HMCN2: variants seen among roughly 807,000 people sequenced by gnomAD.
HMCN2 encodes hemicentin-2.
Under a neutral mutation model 377.5 loss-of-function variants are expected in HMCN2, and 325 were observed. That is an observed-to-expected ratio of 0.86 (90% CI 0.79 to 0.94). HMCN2 has a LOEUF of 0.94. Among genes scored for constraint, HMCN2 ranks in the 40% least tolerant of loss-of-function variants. The probability of loss-of-function intolerance (pLI) is 0.00; values close to 1 mark genes in which losing one functional copy is unlikely to be tolerated. For missense variants in HMCN2, 4,543 were observed against 4,725.3 expected, an observed-to-expected ratio of 0.96 and a Z score of 1.13; for synonymous variants, 2,007 against 2,046.8, an observed-to-expected ratio of 0.98 and a Z score of 0.53.
chr9:130,425,473 C>T (rs1844277695), intron 89 of HMCN2, among the ~76,000 whole-genome samples: 2 of 148,078 alleles, frequency 1.4e-5, no homozygotes, highest in South Asian at 4.3e-4. Flanking sequence ...CATCTCCTCC[C>T]AAGGCTCACC....
At chr9:130,365,290 G>T (rs773116512) in intron 41 of HMCN2, among the ~76,000 whole-genome samples, 1 of 152,230 alleles carries the variant, frequency 6.6e-6, no homozygotes, top group Non-Finnish European at 1.5e-5. Context: ...CCTTCTCTTC[G>T]GGTCTGTTTT....
In HMCN2 at chr9:130,398,186, A is replaced by C. The variant is rs529123660; in HGVS notation, c.11327-365A>C. On this transcript the variant is annotated intron_variant, in intron 74 of 97. Transcript: ENST00000683500. Reference sequence around the variant, plus strand: ...AAAAAAAAAAAAAAAAAAGTAAAACATGTGAAAGGATAAAATTCAAAATCA... The same window carrying C: ...AAAAAAAAAAAAAAAAAAGTAAAACCTGTGAAAGGATAAAATTCAAAATCA... 3.4e-3 allele frequency among the ~76,000 whole-genome samples: 515 copies of C among 150,684 alleles called. 5 individuals are homozygous for C. The highest frequency in any genetic ancestry group is 0.012 in the African/African-American group (497 of 40,894).
intron 34 of HMCN2, 150 bp from the exon 35 acceptor site, chr9:130,357,684 A>G (rs888721156): frequency 2.2e-5 from 9 of 401,270 alleles, no homozygotes; most frequent in Non-Finnish European, 3.1e-5. Context: ...CCATGCGTCT[A>G]GGGGATATGG....
Position 130,362,864 on chromosome 9 carries a change from C to T in HMCN2, c.6109-3C>T. Reference sequence around the variant, plus strand: ...TAATTTGGGCTTCCCCCTGGGGTCACAGGTCTTCCCTGGGGGCCGGGTCCT... The same window carrying T: ...TAATTTGGGCTTCCCCCTGGGGTCATAGGTCTTCCCTGGGGGCCGGGTCCT... On this transcript the variant is annotated splice_region_variant and splice_polypyrimidine_tract_variant and intron_variant, in intron 39 of 97. Coordinates refer to ENST00000683500, the MANE Select transcript of HMCN2 (RefSeq NM_001291815.2). 1.0e-6 allele frequency: 1 copy of T among 985,928 alleles called. No homozygotes were observed. The highest frequency in any genetic ancestry group is 1.2e-6 in the Non-Finnish European group (1 of 829,970). The allele number at this position is 985,928 out of a possible 1,614,324, so 61.1% of individuals were successfully genotyped here. A position where few individuals can be genotyped will look rare whatever the true frequency, so the allele number is the denominator to read the frequency against.
chr9:130,283,609 C>T (rs1835259697), intron 1 of HMCN2, among the ~76,000 whole-genome samples: 1 of 152,158 alleles, frequency 6.6e-6, no homozygotes, highest in South Asian at 2.1e-4. Context: ...CCTCAGGCAA[C>T]CTCTGTTCTG....
At chr9:130,273,122 G>T (rs911672817) in intron 1 of HMCN2, among the ~76,000 whole-genome samples, 4 of 149,970 alleles carry the variant, frequency 2.7e-5, no homozygotes, top group Non-Finnish European at 5.9e-5. Flanking sequence ...AAAGATTCAG[G>T]TTTTTTTTCT....
intron 25 of HMCN2, among the ~76,000 whole-genome samples, chr9:130,342,719 C>G (rs1839124684): frequency 6.6e-6 from 1 of 152,084 alleles, no homozygotes; most frequent in Non-Finnish European, 1.5e-5. Flanking sequence ...CCCTGCCCTG[C>G]CCCCCTGTGC....
chr9:130,420,212 C>T (rs1462840143), intron 86 of HMCN2, among the ~76,000 whole-genome samples: 2 of 151,794 alleles, frequency 1.3e-5, no homozygotes, highest in African/African-American at 4.8e-5. Context: ...GTAGCTGGGA[C>T]TACAGGCACC....
rs906661306 is a variant in HMCN2, at chr9:130,396,207, G to A, written c.11092G>A (p.Val3698Ile). The A allele has an allele frequency of 1.6e-5, 21 of 1,284,812 alleles. No homozygotes were observed. The highest frequency in any genetic ancestry group is 3.1e-5 in the African/African-American group (2 of 65,546). 79.6% of individuals were successfully genotyped at this position (1,284,812 alleles called of 1,614,324 possible). ...TIRSGPPAVN[V>I]SVNQTALLPC... The stretch of plus-strand genomic sequence containing the variant: ...CCGGTCAGGACCACCTGCAGTGAAC[G>A]TCTCAGTGAACCAGACAGCCCTGCT... The change falls in exon 73 of 98, where the codon GTC (valine) becomes ATC (isoleucine). Residue 3698 changes from valine to isoleucine, a missense_variant. Physicochemically the swap from Val to Ile is conservative, Grantham distance 29. Around this residue, in one of 5 missense-constraint regions of HMCN2, gnomAD observed 1,073 missense variants for 1,319.5 expected, o/e 0.81. Coordinates refer to ENST00000683500, the MANE Select transcript of HMCN2 (RefSeq NM_001291815.2).
At chr9:130,370,830 C>A in intron 45 of HMCN2, 134 bp from the exon 46 acceptor site, 2 of 426,800 alleles carry the variant, frequency 4.7e-6, no homozygotes, top group African/African-American at 2.1e-5. Context: ...GGGAGCAGCT[C>A]TGCTCTCGTC....
Position 130,407,643 on chromosome 9 carries a change from A to G in HMCN2, c.12626A>G (p.Tyr4209Cys), listed in dbSNP as rs1440036160. The G allele has an allele frequency of 3.9e-6, 5 of 1,285,366 alleles. No individual in the cohort carries two copies. The highest frequency in any genetic ancestry group is 5.6e-5 in the East Asian group (1 of 17,800). 79.6% of individuals were successfully genotyped at this position (1,285,366 alleles called of 1,614,324 possible). Residue 4209 changes from tyrosine (Y) to cysteine (C), a missense_variant, in exon 83 of 98, where the codon TAT (tyrosine) becomes TGT (cysteine). Physicochemically the swap from Tyr to Cys is radical, Grantham distance 194 (BLOSUM62 -2). This residue lies in a region of HMCN2 where 1,073 missense variants were observed against 1,319.5 expected (regional missense o/e 0.81). Transcript: ENST00000683500. Reference protein sequence around the residue: ...AAVSREDSGTYVCWAENRVGR... With the variant: ...AAVSREDSGTCVCWAENRVGR... ...GTCTCCAGAGAAGACAGCGGGACCT[A>G]TGTCTGCTGGGCGGAGAACAGAGTG...
chr9:130,360,655 A>G lies in HMCN2; in HGVS notation c.5950+51A>G. 8.5e-7 allele frequency: 1 copy of G among 1,180,622 alleles called. No individual in the cohort carries two copies. The highest frequency in any genetic ancestry group is 1.1e-6 in the Non-Finnish European group (1 of 898,918). The allele number at this position is 1,180,622 out of a possible 1,614,324, so 73.1% of individuals were successfully genotyped here. On this transcript the variant is annotated intron_variant, in intron 38 of 97. Coordinates refer to ENST00000683500, the MANE Select transcript of HMCN2 (RefSeq NM_001291815.2). This position sits in a 1 kb window ranked among gnomAD's most constrained non-coding sequence, Gnocchi z 4.7. ...CCCTTGTCCAAAAAGTTGTCTTTTC[A>G]TTCATTTGTCTATTAGTCTGTCCAT...
In HMCN2 at chr9:130,272,538, G is replaced by A. The variant is rs187338061; in HGVS notation, c.259+6401G>A. Among the ~76,000 whole-genome samples, 2 of 151,892 alleles carry A rather than the reference G, an allele frequency of 1.3e-5. 1 individual carries two copies. ...TTACAGGTGTGAGTCACCATGCCTG[G>A]CCTCTTCTTCTTCTTCTTTTAAACT... On this transcript the variant is annotated intron_variant, in intron 1 of 97. Coordinates refer to ENST00000683500, the MANE Select transcript of HMCN2 (RefSeq NM_001291815.2).
At chr9:130,398,255 C>A (rs1045731299) in intron 74 of HMCN2, among the ~76,000 whole-genome samples, 1 of 151,628 alleles carries the variant, frequency 6.6e-6, no homozygotes, top group Middle Eastern at 3.4e-3. Context: ...AACAGATCAG[C>A]TTGTGAGAGG....
rs1840894980 is a variant in HMCN2, at chr9:130,369,494, T to C, written c.6788-76T>C. ...GGCAAGGGGAGAGGGTGTGTCCCTA[T>C]TGGGCCCGGGGTAAGTGTGTGGTGC... is the stretch of plus-strand genomic sequence containing the variant. On this transcript the variant is annotated intron_variant, in intron 44 of 97. Transcript: ENST00000683500. This position sits in a 1 kb window ranked among gnomAD's most constrained non-coding sequence, Gnocchi z 4.5. The C allele has an allele frequency of 1.2e-6, 1 of 861,840 alleles. No homozygotes were observed. The highest frequency in any genetic ancestry group is 1.4e-6 in the Non-Finnish European group (1 of 716,848). 53.4% of individuals were successfully genotyped at this position (861,840 alleles called of 1,614,324 possible).
intron 4 of HMCN2, among the ~76,000 whole-genome samples, chr9:130,289,663 C>G (rs1554929309): frequency 1.3e-5 from 2 of 152,084 alleles, no homozygotes; most frequent in African/African-American, 2.4e-5. Flanking sequence ...TAAATGCCAT[C>G]CCACCCCCCC....
chr9:130,401,640 A>C (rs910501688), intron 77 of HMCN2, among the ~76,000 whole-genome samples: 1 of 152,074 alleles, frequency 6.6e-6, no homozygotes, highest in Non-Finnish European at 1.5e-5. Context: ...GTGATTTTTA[A>C]AATGTCTTTG....
rs1234164676 is a variant in HMCN2 at position 130,276,338 on chromosome 9, G to A, written c.260-8265G>A. 5.5e-5 allele frequency among the ~76,000 whole-genome samples: 8 copies of A among 146,688 alleles called. No homozygotes were observed. The South Asian group carries it at 7.0e-4, about 13-fold the overall frequency. On this transcript the variant is annotated intron_variant, in intron 1 of 97. Coordinates refer to ENST00000683500, the MANE Select transcript of HMCN2 (RefSeq NM_001291815.2). ...CATCTCATCACAGCTGTGGCTGCCC[G>A]CAATGACATTCCTGAGGGAGTGACG...
chr9:130,303,665 A>C lies in HMCN2; in HGVS notation c.1543+57A>C, dbSNP rs1588207074. 4.8e-6 allele frequency: 1 copy of C among 208,886 alleles called. No individual in the cohort carries two copies. 12.9% of individuals were successfully genotyped at this position (208,886 alleles called of 1,614,324 possible). A position where few individuals can be genotyped will look rare whatever the true frequency, so the allele number is the denominator to read the frequency against. On this transcript the variant is annotated intron_variant, in intron 10 of 97. Transcript: ENST00000683500. This position sits in a 1 kb window ranked among gnomAD's most constrained non-coding sequence, Gnocchi z 5.2. ...TTCCTTACCCTCTTCTTGGGTTCTT[A>C]CCCCTAGGATTTCCTCCAGGCGAGT...
Sources: gnomAD v4.1 joint callset for allele counts (sites outside exome capture counted in the v4.1 genomes callset) on GRCh38, gnomAD v4.1.1 for gene constraint, gnomAD v4.1.1 regional missense constraint, Gnocchi (gnomAD v3.1) non-coding constraint, MANE v1.5 for transcripts, NCBI Gene and HGNC (gene_info 2026-07-23, HGNC 2026-07-21) for gene names.